The following NTRK3 variants were observed in gnomAD, a reference collection of about 807,000 sequenced individuals.
NTRK3 encodes NT-3 growth factor receptor.
NTRK3 carries 24 observed loss-of-function variants against 91.7 expected under a neutral mutation model. The observed-to-expected ratio is 0.26, with a 90% CI of 0.19 to 0.37. The LOEUF (loss-of-function observed/expected upper bound fraction) is 0.37. Among genes scored for constraint, NTRK3 ranks in the 10% least tolerant of loss-of-function variants. The pLI is 1.00. For synonymous variants in NTRK3, 483 were observed against 404.0 expected, an observed-to-expected ratio of 1.20 and a Z score of -2.34; for missense variants, 880 against 1,068.9, an observed-to-expected ratio of 0.82 and a Z score of 2.46.
chr15:88,007,640 A>G (rs1276167316), intron 14 of NTRK3, among the ~76,000 whole-genome samples: 2 of 152,194 alleles, frequency 1.3e-5, no homozygotes, highest in African/African-American at 2.4e-5. Flanking sequence ...GTGCCTGGGA[A>G]GCCTGTTTTA....
intron 14 of NTRK3, among the ~76,000 whole-genome samples, chr15:88,021,257 G>A (rs1439397732): frequency 1.3e-5 from 2 of 152,230 alleles, no homozygotes; most frequent in Non-Finnish European, 2.9e-5. Context: ...CGAGGGGCTT[G>A]AGAGGAAATG....
chr15:87,920,103 G>A (rs2067753354), intron 17 of NTRK3, among the ~76,000 whole-genome samples: 1 of 152,168 alleles, frequency 6.6e-6, no homozygotes, highest in Admixed American at 6.6e-5. Flanking sequence ...ACACAGAACT[G>A]ACACTGAGAC....
chr15:88,135,140 G>C (rs759785389), exon 10 of NTRK3: 1 of 1,614,244 alleles, frequency 6.2e-7, no homozygotes, highest in South Asian at 1.1e-5. Context: ...TTGATGGTCT[G>C]GTTGGCTGTG....
At chr15:87,997,754 C>G (rs1032462267) in intron 14 of NTRK3, among the ~76,000 whole-genome samples, 2 of 152,088 alleles carry the variant, frequency 1.3e-5, no homozygotes, top group African/African-American at 4.8e-5. Flanking sequence ...CATAGTTTCT[C>G]CAGAGATGTG....
intron 10 of NTRK3, among the ~76,000 whole-genome samples, chr15:88,129,676 T>A (rs1325201756): frequency 6.6e-6 from 1 of 152,046 alleles, no homozygotes; most frequent in African/African-American, 2.4e-5. Flanking sequence ...TACTAAAAAG[T>A]AAGAAAGTGC....
At chr15:87,975,152 G>A (rs994705212) in intron 14 of NTRK3, among the ~76,000 whole-genome samples, 3 of 152,176 alleles carry the variant, frequency 2.0e-5, no homozygotes, top group Admixed American at 6.5e-5. Context: ...ATGCCCCACA[G>A]TAAACCCATT....
chr15:88,180,114 G>A (rs2046328162), intron 5 of NTRK3, among the ~76,000 whole-genome samples: 1 of 152,154 alleles, frequency 6.6e-6, no homozygotes, highest in Non-Finnish European at 1.5e-5. Context: ...CCTGGTCACT[G>A]GGCTGAGAGC....
intron 14 of NTRK3, among the ~76,000 whole-genome samples, chr15:87,974,719 A>G (rs887699179): frequency 6.6e-6 from 1 of 151,946 alleles, no homozygotes; most frequent in African/African-American, 2.4e-5. Context: ...GCTTTCATAC[A>G]CCCCCAAGTC....
chr15:88,036,761 C>A (rs2079107975), intron 13 of NTRK3, among the ~76,000 whole-genome samples: 1 of 152,198 alleles, frequency 6.6e-6, no homozygotes, highest in Non-Finnish European at 1.5e-5. Flanking sequence ...CCACGGAATG[C>A]AGGAAGACAC....
intron 5 of NTRK3, among the ~76,000 whole-genome samples, chr15:88,162,570 C>T (rs1238811956): frequency 2.0e-5 from 3 of 152,166 alleles, no homozygotes; most frequent in East Asian, 1.9e-4. Flanking sequence ...CAAGAAAACT[C>T]GCACCAGACA....
chr15:88,065,949 C>T (rs929635396), intron 13 of NTRK3, among the ~76,000 whole-genome samples: 1 of 152,042 alleles, frequency 6.6e-6, no homozygotes, highest in Non-Finnish European at 1.5e-5. Context: ...GTTGACTTTG[C>T]CAAAATGGCC....
intron 17 of NTRK3, chr15:87,928,144 T>A (rs2068487514): frequency 6.8e-6 from 1 of 147,162 alleles, no homozygotes; most frequent in Admixed American, 6.8e-5. Context: ...CACACCCAGC[T>A]AATTTTTGTA....
chr15:88,081,327 C>A (rs1440160289), intron 13 of NTRK3, among the ~76,000 whole-genome samples: 1 of 152,126 alleles, frequency 6.6e-6, no homozygotes, highest in Non-Finnish European at 1.5e-5. Flanking sequence ...GCTGGACAAC[C>A]AGGACACCCC....
chr15:87,952,526 C>A (rs1201389259), intron 14 of NTRK3, among the ~76,000 whole-genome samples: 1 of 152,180 alleles, frequency 6.6e-6, no homozygotes, highest in Non-Finnish European at 1.5e-5. Flanking sequence ...CGGGGACAGA[C>A]AGCTCCCCGT....
intron 13 of NTRK3, among the ~76,000 whole-genome samples, chr15:88,092,470 C>T (rs1032733784): frequency 1.3e-5 from 2 of 152,188 alleles, no homozygotes; most frequent in Admixed American, 6.5e-5. Context: ...ATTCCCACCC[C>T]CTGGCATCTA....
At chr15:88,185,162 G>T (rs568104390) in intron 3 of NTRK3, among the ~76,000 whole-genome samples, 1 of 152,294 alleles carries the variant, frequency 6.6e-6, no homozygotes, top group Non-Finnish European at 1.5e-5. Context: ...GTTTAAGGAG[G>T]TTTATATCTA....
chr15:87,997,611 A>T (rs1330443855), intron 14 of NTRK3, among the ~76,000 whole-genome samples: 3 of 152,222 alleles, frequency 2.0e-5, no homozygotes, highest in African/African-American at 4.8e-5. Context: ...CTTATTCTAA[A>T]AATCTCAAGT....
intron 13 of NTRK3, among the ~76,000 whole-genome samples, chr15:88,097,654 C>T (rs79715474): frequency 4.6e-5 from 7 of 152,032 alleles, no homozygotes; most frequent in East Asian, 3.9e-4. Context: ...GACCAATAAA[C>T]GGGGAATGAT....
chr15:88,072,834 A>G (rs764364469), intron 13 of NTRK3: 2 of 233,110 alleles, frequency 8.6e-6, no homozygotes, highest in Non-Finnish European at 1.7e-5. Flanking sequence ...GCAGGAAGCC[A>G]TCATGGGCCA....
Sources: allele counts gnomAD v4.1 joint callset (sites outside exome capture counted in the v4.1 genomes callset), GRCh38; gene constraint gnomAD v4.1.1; transcripts MANE v1.5; gene names NCBI Gene and HGNC (gene_info 2026-07-23, HGNC 2026-07-21).